Variants in ANK2 observed in about 807,000 individuals in gnomAD.
The protein encoded by ANK2 is ankyrin 2.
In ANK2, 83 loss-of-function variants were observed where a neutral mutation model predicts 360.5. The ratio of observed to expected loss-of-function variants is 0.23; its 90% CI spans 0.19 to 0.28. ANK2 has a LOEUF of 0.28. ANK2 is among the 10% of genes least tolerant of loss of function. The pLI is 1.00. For missense variants in ANK2, 4,201 were observed against 4,795.7 expected (o/e 0.88, Z 3.66); for synonymous variants, 1,740 against 1,759.5 (o/e 0.99, Z 0.28).
the ANK2 span, among the ~76,000 whole-genome samples, chr4:112,715,238 A>G: frequency 6.6e-6 from 1 of 151,980 alleles, no homozygotes; most frequent in African/African-American, 2.4e-5. Context: ...GTCCCAAGAA[A>G]TTGCGGCAGA....
At position 113,070,337 on chromosome 4, in the gene ANK2, A is replaced by C. The variant is rs915965128; in HGVS notation, c.84+20525A>C. Among the ~76,000 whole-genome samples the C allele has an allele frequency of 4.0e-5, 6 of 151,788 alleles. No homozygotes were observed. The East Asian group carries it at 1.2e-3, about 29-fold the overall frequency. On this transcript the variant is annotated intron_variant, in intron 1 of 45. Transcript: ENST00000357077. ...TAGAATGCCAGCATTGTCCACCTTT[A>C]TCATTAAAAAAAAGTCTGCATCATG...
rs1462904344 is a variant in ANK2 at position 113,191,053 on chromosome 4, G to A, written c.187-5315G>A. Among the ~76,000 whole-genome samples the A allele has an allele frequency of 2.0e-5, 3 of 152,224 alleles. No homozygotes were observed. In the East Asian group the frequency reaches 5.8e-4, roughly 29 times the overall value. ...ATGAAAATGGCATTTACATAGGAGA[G>A]TTGAGGCTGGGTATGGTGGTTCACG... On this transcript the variant is annotated intron_variant, in intron 2 of 45. Coordinates refer to ENST00000357077, the MANE Select transcript of ANK2 (RefSeq NM_001148.6).
intron 4 of ANK2, among the ~76,000 whole-genome samples, chr4:113,226,863 T>C (rs1360195033): frequency 6.6e-6 from 1 of 152,190 alleles, no homozygotes; most frequent in Non-Finnish European, 1.5e-5. Context: ...GCTGTACTTA[T>C]TTCACCCACC....
chr4:112,914,400 C>G (rs756893466), intron 2 of ANK2, among the ~76,000 whole-genome samples: 4 of 152,080 alleles, frequency 2.6e-5, no homozygotes, highest in Non-Finnish European at 4.4e-5. Flanking sequence ...GTGGGCAGAT[C>G]ACTTGAGGCC....
At chr4:112,707,447 G>A in the ANK2 span, among the ~76,000 whole-genome samples, 1 of 152,148 alleles carries the variant, frequency 6.6e-6, no homozygotes, top group Non-Finnish European at 1.5e-5. Context: ...AATCCTTGTA[G>A]AATCTAGGAC....
At chr4:112,979,233 C>T (rs992906523) in intron 2 of ANK2, among the ~76,000 whole-genome samples, 10 of 152,152 alleles carry the variant, frequency 6.6e-5, no homozygotes, top group East Asian at 1.9e-4. Context: ...CCGACCACTG[C>T]GCAGTCAGGT....
chr4:112,907,350 G>A lies in ANK2; in HGVS notation c.21+2836G>A, dbSNP rs540153151. Among the ~76,000 whole-genome samples the A allele has an allele frequency of 1.1e-4, 16 of 152,270 alleles. No homozygotes were observed. In the South Asian group the frequency reaches 2.3e-3, roughly 22 times the overall value. The stretch of plus-strand genomic sequence containing the variant: ...ATAGAGCTCTTTGTAAGACTGAAGG[G>A]ATCTTTTAGTTCAGGTACTTAAATT... On this transcript the variant is annotated intron_variant, in intron 2 of 30. Transcript: ENST00000503271.
intron 13 of ANK2, among the ~76,000 whole-genome samples, chr4:113,259,357 G>C (rs187132938): frequency 2.0e-5 from 3 of 152,266 alleles, no homozygotes; most frequent in African/African-American, 7.2e-5. Context: ...AAAAGCAATT[G>C]ATTGGCACTT....
At position 113,292,624 on chromosome 4, in the gene ANK2, C is replaced by T. The variant is rs75372573; in HGVS notation, c.2376+110C>T. ...TCAGATTCCTCCTCTTTAAATAAGC[C>T]CCCTGGACTCTGGAAAGCCCCAGAT... On this transcript the variant is annotated intron_variant, in intron 21 of 45. Transcript: ENST00000357077. 4.3e-4 allele frequency: 507 copies of T among 1,180,584 alleles called. 5 individuals carry two copies. In the African/African-American group the frequency reaches 6.6e-3, roughly 15 times the overall value. The allele number at this position is 1,180,584 out of a possible 1,614,324, so 73.1% of individuals were successfully genotyped here.
chr4:113,136,740 C>T (rs377359125), intron 1 of ANK2, among the ~76,000 whole-genome samples: 2 of 148,560 alleles, frequency 1.3e-5, no homozygotes, highest in South Asian at 2.1e-4. Context: ...GGAGTCCATA[C>T]CACATTATTA....
chr4:113,193,520 A>G (rs554132783), intron 2 of ANK2, among the ~76,000 whole-genome samples: 2 of 152,356 alleles, frequency 1.3e-5, no homozygotes, highest in Admixed American at 6.5e-5. Context: ...GATAGAGAAC[A>G]TGTAAATGTG....
the ANK2 span, among the ~76,000 whole-genome samples, chr4:112,763,782 A>G: frequency 6.6e-6 from 1 of 151,728 alleles, no homozygotes; most frequent in South Asian, 2.1e-4. Context: ...GGCCTCCCAA[A>G]GTGCTGGGAT....
At chr4:112,961,438 A>G (rs529009932) in intron 2 of ANK2, among the ~76,000 whole-genome samples, 204 of 152,312 alleles carry the variant, frequency 1.3e-3, no homozygotes, top group African/African-American at 4.5e-3. Context: ...AGCTACATAA[A>G]TAAAGATTCT....
intron 1 of ANK2, among the ~76,000 whole-genome samples, chr4:113,159,282 A>G (rs139917319): frequency 1.3e-5 from 2 of 151,912 alleles, no homozygotes; most frequent in East Asian, 3.9e-4. Flanking sequence ...TATATGTAAA[A>G]TGAAATATAT....
chr4:113,373,572 C>G, intron 45 of ANK2, 123 bp downstream of exon 45: 6 of 1,037,892 alleles, frequency 5.8e-6, no homozygotes, highest in Non-Finnish European at 9.1e-6. Flanking sequence ...GCAGTTTGCT[C>G]TTAGTTGCAC....
chr4:112,788,173 C>T, the ANK2 span: 1 of 1,583,956 alleles, frequency 6.3e-7, no homozygotes, highest in Non-Finnish European at 8.6e-7. Flanking sequence ...TGTTGCCACC[C>T]CAGTGACGGC....
At chr4:113,121,538 T>G (rs1378377217) in intron 1 of ANK2, among the ~76,000 whole-genome samples, 1 of 152,174 alleles carries the variant, frequency 6.6e-6, no homozygotes, top group African/African-American at 2.4e-5. Flanking sequence ...TTTCATGAGA[T>G]TTCTTGGAAA....
At chr4:112,802,095 A>G in the ANK2 span, among the ~76,000 whole-genome samples, 2 of 152,094 alleles carry the variant, frequency 1.3e-5, no homozygotes, top group Non-Finnish European at 2.9e-5. Flanking sequence ...TTTGGCTACT[A>G]GGTGAGATGG....
chr4:112,847,010 G>A (rs1393048894), intron 1 of ANK2, among the ~76,000 whole-genome samples: 1 of 152,218 alleles, frequency 6.6e-6, no homozygotes, highest in Admixed American at 6.5e-5. Flanking sequence ...TTACATCGAT[G>A]AGGATATAGT....
Sources: allele counts gnomAD v4.1 joint callset (sites outside exome capture counted in the v4.1 genomes callset), GRCh38; gene constraint gnomAD v4.1.1; transcripts MANE v1.5; gene names NCBI Gene and HGNC (gene_info 2026-07-23, HGNC 2026-07-21).